The following LINGO2 variants were observed in gnomAD, a reference collection of about 807,000 sequenced individuals.
The protein encoded by LINGO2 is leucine rich repeat and Ig domain containing 2.
In LINGO2, 14 loss-of-function variants were observed where a neutral mutation model predicts 30.6. That is an observed-to-expected ratio of 0.46 (90% CI 0.30 to 0.72). LINGO2 has a LOEUF of 0.72. LINGO2 is among the 30% of genes least tolerant of loss of function. The probability of loss-of-function intolerance (pLI) is 0.07; values close to 1 mark genes in which losing one functional copy is unlikely to be tolerated. For missense variants in LINGO2, 729 were observed against 751.7 expected, an observed-to-expected ratio of 0.97 and a Z score of 0.35; for synonymous variants, 317 against 288.5, an observed-to-expected ratio of 1.10 and a Z score of -1.00.
the LINGO2 span, among the ~76,000 whole-genome samples, chr9:29,083,508 C>A: frequency 6.6e-6 from 1 of 151,808 alleles, no homozygotes; most frequent in Admixed American, 6.6e-5. Flanking sequence ...GTGCAGCACA[C>A]CAACATGGCA....
At chr9:28,892,609 G>T in the LINGO2 span, among the ~76,000 whole-genome samples, 2 of 151,768 alleles carry the variant, frequency 1.3e-5, no homozygotes, top group Admixed American at 6.6e-5. Flanking sequence ...TAATTAAAAA[G>T]ACAATTTCTC....
chr9:28,716,315 G>A, the LINGO2 span, among the ~76,000 whole-genome samples: 1 of 151,898 alleles, frequency 6.6e-6, no homozygotes, highest in Non-Finnish European at 1.5e-5. Context: ...GGGATTTTAA[G>A]CAGAAAGAGG....
intron 1 of LINGO2, among the ~76,000 whole-genome samples, chr9:28,508,528 A>C (rs1426447117): frequency 3.9e-5 from 6 of 151,978 alleles, no homozygotes; most frequent in African/African-American, 1.2e-4. Context: ...TTTTTTTAAA[A>C]AGTCTAGCCC....
At chr9:28,395,699 T>C (rs1822012899) in intron 2 of LINGO2, among the ~76,000 whole-genome samples, 1 of 152,204 alleles carries the variant, frequency 6.6e-6, no homozygotes, top group Non-Finnish European at 1.5e-5. Flanking sequence ...AGACATAGTA[T>C]AAAGTTGAAT....
At chr9:29,081,057 T>A in the LINGO2 span, among the ~76,000 whole-genome samples, 1 of 151,824 alleles carries the variant, frequency 6.6e-6, no homozygotes, top group Non-Finnish European at 1.5e-5. Flanking sequence ...AAAGAGGGAA[T>A]CCTCCCTAAC....
the LINGO2 span, among the ~76,000 whole-genome samples, chr9:28,778,821 G>T: frequency 6.6e-6 from 1 of 152,122 alleles, no homozygotes. Context: ...GTGGCTTTGA[G>T]CTAGAAGAGA....
the LINGO2 span, among the ~76,000 whole-genome samples, chr9:28,708,258 C>A: frequency 6.6e-6 from 1 of 152,062 alleles, no homozygotes; most frequent in East Asian, 1.9e-4. Flanking sequence ...CTGAAAAGCA[C>A]AGAATTCAGC....
Position 28,107,211 on chromosome 9 carries a change from G to C in LINGO2, c.-86-94806C>G, listed in dbSNP as rs543777056. Reference sequence around the variant, plus strand: ...TAGATTTATTTTGTATGATTGTTTGGGGTCTTTCCCCCACTAGCCAAACGT... The same window carrying C: ...TAGATTTATTTTGTATGATTGTTTGCGGTCTTTCCCCCACTAGCCAAACGT... On this transcript the variant is annotated intron_variant, in intron 4 of 5. Coordinates refer to ENST00000379992, the Ensembl canonical transcript of LINGO2. 8.3e-4 allele frequency among the ~76,000 whole-genome samples: 126 copies of C among 152,210 alleles called. 2 individuals are homozygous for C. Among genetic ancestry groups the C allele is most frequent in the African/African-American group, 2.9e-3 (121 of 41,518 alleles).
At chr9:28,138,750 T>C (rs995409484) in intron 4 of LINGO2, among the ~76,000 whole-genome samples, 3 of 152,152 alleles carry the variant, frequency 2.0e-5, no homozygotes, top group African/African-American at 7.2e-5. Flanking sequence ...TAATAACCAC[T>C]CCTAAAGAAT....
At chr9:28,797,355 T>TAGAGAGAGAG in the LINGO2 span, among the ~76,000 whole-genome samples, 399 of 59,160 alleles carry the variant, frequency 6.7e-3, 3 homozygotes, top group East Asian at 0.013. Context: ...TATATATATA[T>TAGAGAGAGAG]ATATAGAGAG....
intron 2 of LINGO2, among the ~76,000 whole-genome samples, chr9:28,415,541 T>C (rs1822932494): frequency 6.6e-6 from 1 of 152,164 alleles, no homozygotes; most frequent in Non-Finnish European, 1.5e-5. Flanking sequence ...GGCTCCTATC[T>C]TCCGATCTTT....
At chr9:28,772,690 G>T in the LINGO2 span, among the ~76,000 whole-genome samples, 262 of 152,214 alleles carry the variant, frequency 1.7e-3, 6 homozygotes, top group East Asian at 0.044. Flanking sequence ...GCTTAAGAGG[G>T]ATAGGCTTTG....
chr9:29,167,293 A>T, the LINGO2 span, among the ~76,000 whole-genome samples: 1 of 152,112 alleles, frequency 6.6e-6, no homozygotes, highest in African/African-American at 2.4e-5. Context: ...TTATTACCTC[A>T]GGTACTAAGA....
chr9:29,047,394 C>G, the LINGO2 span, among the ~76,000 whole-genome samples: 1 of 151,980 alleles, frequency 6.6e-6, no homozygotes, highest in Admixed American at 6.6e-5. Flanking sequence ...ATCAAAAAGT[C>G]AAAAAATAGC....
At chr9:28,946,040 T>C in the LINGO2 span, among the ~76,000 whole-genome samples, 5 of 152,190 alleles carry the variant, frequency 3.3e-5, no homozygotes, top group Non-Finnish European at 7.3e-5. Context: ...TTGTATGTTA[T>C]CAAACCTATC....
At chr9:28,054,362 T>C (rs1326323022) in intron 4 of LINGO2, among the ~76,000 whole-genome samples, 1 of 152,094 alleles carries the variant, frequency 6.6e-6, no homozygotes, top group African/African-American at 2.4e-5. Context: ...TTTACTTAGA[T>C]GCTACAAGAT....
the LINGO2 span, among the ~76,000 whole-genome samples, chr9:28,756,199 A>C: frequency 6.6e-6 from 1 of 152,000 alleles, no homozygotes; most frequent in Non-Finnish European, 1.5e-5. Context: ...TGGATGTGAG[A>C]TGTGGAGTGA....
the LINGO2 span, among the ~76,000 whole-genome samples, chr9:28,765,396 T>C: frequency 1.3e-5 from 2 of 152,140 alleles, no homozygotes; most frequent in African/African-American, 4.8e-5. Flanking sequence ...GTTTTGGATA[T>C]GGTTGTCCAC....
the LINGO2 span, among the ~76,000 whole-genome samples, chr9:28,936,889 C>G: frequency 6.6e-6 from 1 of 152,102 alleles, no homozygotes; most frequent in African/African-American, 2.4e-5. Context: ...ATCAAGGGAA[C>G]AGCAGGATTG....
Sources: gnomAD v4.1 joint callset for allele counts (sites outside exome capture counted in the v4.1 genomes callset) on GRCh38, gnomAD v4.1.1 for gene constraint, MANE v1.5 for transcripts, NCBI Gene and HGNC (gene_info 2026-07-23, HGNC 2026-07-21) for gene names.